Variants in IFT140 observed in about 807,000 individuals in gnomAD.
IFT140 encodes intraflagellar transport protein 140 homolog.
In IFT140, 133 loss-of-function variants were observed where a neutral mutation model predicts 164.6. The observed-to-expected ratio is 0.81, with a 90% CI of 0.70 to 0.93. IFT140 has a LOEUF of 0.93. IFT140 is among the 40% of genes least tolerant of loss of function. The probability of loss-of-function intolerance (pLI) is 0.00; values close to 1 mark genes in which losing one functional copy is unlikely to be tolerated. For synonymous variants in IFT140, 860 were observed against 817.3 expected (o/e 1.05, Z -0.89); for missense variants, 2,045 against 1,972.3 (o/e 1.04, Z -0.70).
At position 1,564,426 on chromosome 16, in the gene IFT140, TG is replaced by T. The variant is rs887908771; in HGVS notation, c.1902-265del. On this transcript the variant is annotated intron_variant, in intron 16 of 30. Transcript: ENST00000426508. This position sits in a 1 kb window ranked among gnomAD's most constrained non-coding sequence, Gnocchi z 5.5. Reference sequence around the variant, plus strand: ...TGACGCTTTGATTCTGGAGGCCTTATGGGGGCCCAGAAGAATCCCCAAAGCA... The same window carrying T: ...TGACGCTTTGATTCTGGAGGCCTTATGGGGCCCAGAAGAATCCCCAAAGCA... 1.1e-4 allele frequency among the ~76,000 whole-genome samples: 17 copies of T among 152,214 alleles called. No homozygotes were observed. Among genetic ancestry groups the T allele is most frequent in the Non-Finnish European group, 5.9e-5 (4 of 68,026 alleles).
At position 1,566,238 on chromosome 16, in the gene IFT140, T is replaced by C. The variant is rs35433680; in HGVS notation, c.1824A>G (p.Thr608=). Residue 608 remains threonine (T), a synonymous_variant, in exon 16 of 31, where the codon ACA becomes ACG. Coordinates refer to ENST00000426508, the MANE Select transcript of IFT140 (RefSeq NM_014714.4). ...KICFYDVEMD[T]VTVFDFKTGQ... ...CAGTCTTGAAGTCAAAGACGGTCAC[T>C]GTGTCCATTTCAACATCGTAGAAGC... 1.5e-3 allele frequency: 2,384 copies of C among 1,613,900 alleles called. 5 individuals carry two copies. Among genetic ancestry groups the C allele is most frequent in the Non-Finnish European group, 1.9e-3 (2,195 of 1,179,794 alleles).
At chr16:1,538,262 T>G (rs2031278698) in intron 19 of IFT140, among the ~76,000 whole-genome samples, 1 of 152,116 alleles carries the variant, frequency 6.6e-6, no homozygotes, top group Non-Finnish European at 1.5e-5. Flanking sequence ...GCACGGCTGC[T>G]GCACAGAGCC....
At chr16:1,525,443 G>A in intron 21 of IFT140, 117 bp from the exon 22 acceptor site, 1 of 767,716 alleles carries the variant, frequency 1.3e-6, no homozygotes, top group Non-Finnish European at 2.2e-6. Context: ...CGGGGTGTGT[G>A]CTCCTGGCCT....
Position 1,588,027 on chromosome 16 carries a change from G to C in IFT140, c.811-3C>G. The C allele has an allele frequency of 9.9e-6, 16 of 1,613,306 alleles. No individual in the cohort carries two copies. The highest frequency in any genetic ancestry group is 1.4e-5 in the Non-Finnish European group (16 of 1,179,594). ...CCGGTTTTCCCGCTCAGCTTGACCT[G>C]TGTGAGGAAACAACCGAGCAGAGGC... On this transcript the variant is annotated splice_region_variant and splice_polypyrimidine_tract_variant and intron_variant, in intron 7 of 30. Coordinates refer to ENST00000426508, the MANE Select transcript of IFT140 (RefSeq NM_014714.4).
chr16:1,543,534 T>C (rs1224801109), intron 19 of IFT140, among the ~76,000 whole-genome samples: 1 of 152,220 alleles, frequency 6.6e-6, no homozygotes, highest in Non-Finnish European at 1.5e-5. Context: ...GAACTGGAGC[T>C]GTGTCTTGGC....
intron 19 of IFT140, among the ~76,000 whole-genome samples, chr16:1,538,370 G>A (rs970888275): frequency 2.6e-5 from 4 of 152,298 alleles, no homozygotes; most frequent in Non-Finnish European, 4.4e-5. Context: ...TCAGGGGTGC[G>A]TCTGCTTATT....
chr16:1,518,175 G>C (rs908411759), intron 30 of IFT140, 41 bp downstream of exon 30: 17 of 1,569,936 alleles, frequency 1.1e-5, no homozygotes, highest in Non-Finnish European at 1.3e-5. Context: ...CAGGAGCCTT[G>C]TGTGGCGGGA....
intron 19 of IFT140, 163 bp from the exon 20 acceptor site, chr16:1,526,959 C>T: frequency 2.8e-6 from 2 of 726,636 alleles, no homozygotes; most frequent in South Asian, 4.3e-5. Flanking sequence ...GACTGCAGGC[C>T]ATGCAGAGAG....
At chr16:1,526,474 G>A in intron 20 of IFT140, 145 bp downstream of exon 20, 2 of 916,248 alleles carry the variant, frequency 2.2e-6, no homozygotes, top group Non-Finnish European at 1.6e-6. Context: ...GCCGCTGTCT[G>A]CCCAGCTCTC....
Position 1,534,265 on chromosome 16 carries a change from C to A in IFT140, c.2400-7469G>T, listed in dbSNP as rs200816535. ...GCTTTCTCCGGATAAGCGGCGGCAC[C>A]GGCGTCAGCGATGACCGTGCAGAGA... On this transcript the variant is annotated intron_variant, in intron 19 of 30. Coordinates refer to ENST00000426508, the MANE Select transcript of IFT140 (RefSeq NM_014714.4). The A allele has an allele frequency of 2.0e-4, 316 of 1,609,052 alleles. 4 individuals are homozygous for A. The East Asian group carries it at 6.9e-3, about 35-fold the overall frequency.
At chr16:1,559,544 C>T (rs1209429637) in intron 18 of IFT140, among the ~76,000 whole-genome samples, 3 of 152,210 alleles carry the variant, frequency 2.0e-5, no homozygotes, top group Admixed American at 2.0e-4. Context: ...GGCTAGTCCT[C>T]ACTAGACTTG....
chr16:1,563,462 C>A (rs1254015286), intron 17 of IFT140, among the ~76,000 whole-genome samples: 57 of 151,014 alleles, frequency 3.8e-4, no homozygotes, highest in African/African-American at 1.3e-3. Flanking sequence ...ACAAACAAAA[C>A]AAACAAACAA....
chr16:1,560,193 T>C lies in IFT140; in HGVS notation c.2199+1792A>G, dbSNP rs1350997235. Among the ~76,000 whole-genome samples, 3 of 152,296 alleles carry C rather than the reference T, an allele frequency of 2.0e-5. No homozygotes were observed. The East Asian group carries it at 5.8e-4, about 29-fold the overall frequency. The stretch of plus-strand genomic sequence containing the variant: ...AATACGGGAATTAAGGAAACATGCA[T>C]TGACAGAGCAGGGAGCCCTCCATTT... On this transcript the variant is annotated intron_variant, in intron 18 of 30. Coordinates refer to ENST00000426508, the MANE Select transcript of IFT140 (RefSeq NM_014714.4).
chr16:1,554,891 G>A (rs1208322968), intron 19 of IFT140: 15 of 1,614,182 alleles, frequency 9.3e-6, no homozygotes, highest in South Asian at 6.6e-5. Context: ...CCACGCTGGC[G>A]GCAGCCATGC....
intron 19 of IFT140, among the ~76,000 whole-genome samples, chr16:1,527,772 CAT>C (rs1268344601): frequency 6.6e-6 from 1 of 152,172 alleles, no homozygotes; most frequent in Non-Finnish European, 1.5e-5. Flanking sequence ...AGGGTTTCGC[CAT>C]GTTACCCAGG....
intron 13 of IFT140, among the ~76,000 whole-genome samples, chr16:1,572,097 G>A (rs920026897): frequency 8.5e-5 from 13 of 152,094 alleles, no homozygotes; most frequent in African/African-American, 2.9e-4. Flanking sequence ...TGCACCGTAC[G>A]CTTAGGCACG....
intron 21 of IFT140, among the ~76,000 whole-genome samples, chr16:1,525,581 G>A (rs79538708): frequency 5.9e-5 from 9 of 152,360 alleles, no homozygotes; most frequent in African/African-American, 2.2e-4. Context: ...CTCCTCTGGA[G>A]AGGGTGACAT....
At chr16:1,592,725 G>A (rs981038762) in intron 4 of IFT140, 137 bp from the exon 5 acceptor site, 7 of 1,344,718 alleles carry the variant, frequency 5.2e-6, no homozygotes, top group Non-Finnish European at 3.0e-6. Flanking sequence ...AGGTGTCCCG[G>A]CAGAGTGACT....
chr16:1,611,501 AAAAAG>A (rs1322896898), intron 1 of IFT140, among the ~76,000 whole-genome samples: 4 of 149,270 alleles, frequency 2.7e-5, no homozygotes, highest in South Asian at 2.1e-4. Flanking sequence ...AAAAAAAAAA[AAAAAG>A]AAAAGAAAAA....
Sources: gnomAD v4.1 joint callset for allele counts (sites outside exome capture counted in the v4.1 genomes callset) on GRCh38, gnomAD v4.1.1 for gene constraint, Gnocchi (gnomAD v3.1) non-coding constraint, MANE v1.5 for transcripts, NCBI Gene and HGNC (gene_info 2026-07-23, HGNC 2026-07-21) for gene names.